TCF4: variants seen among roughly 807,000 people sequenced by gnomAD.
The protein encoded by TCF4 is transcription factor 4.
In TCF4, 3 loss-of-function variants were observed where a neutral mutation model predicts 82.1. The observed-to-expected ratio is 0.04, with a 90% CI of 0.02 to 0.09. The LOEUF is 0.09. TCF4 is among the 10% of genes least tolerant of loss of function. TCF4 has a pLI of 1.00. For synonymous variants in TCF4, 276 were observed against 309.6 expected (o/e 0.89, Z 1.14); for missense variants, 518 against 852.7 (o/e 0.61, Z 4.89).
chr18:55,599,986 A>G (rs1329624457), intron 2 of TCF4, among the ~76,000 whole-genome samples: 1 of 152,124 alleles, frequency 6.6e-6, no homozygotes, highest in African/African-American at 2.4e-5. Context: ...ATTCAACTCC[A>G]TGTGGCTTCT....
intron 3 of TCF4, among the ~76,000 whole-genome samples, chr18:55,529,018 A>T (rs1291909151): frequency 6.6e-6 from 1 of 152,066 alleles, no homozygotes; most frequent in Admixed American, 6.6e-5. Context: ...TCTCCACTAA[A>T]TATACAAAAA....
chr18:55,570,889 CAAA>C (rs201400921), intron 3 of TCF4, among the ~76,000 whole-genome samples: 28 of 67,766 alleles, frequency 4.1e-4, no homozygotes, highest in Admixed American at 8.7e-4. Context: ...GACCCTGCCT[CAAA>C]AAAAAAAAAA....
chr18:55,368,292 A>T (rs562191468), intron 6 of TCF4, among the ~76,000 whole-genome samples: 44 of 152,274 alleles, frequency 2.9e-4, no homozygotes, highest in Admixed American at 9.8e-4. Flanking sequence ...GAGACAGGAG[A>T]ATCACTTGAA....
intron 6 of TCF4, among the ~76,000 whole-genome samples, chr18:55,400,641 C>T (rs1569374869): frequency 6.6e-6 from 1 of 152,118 alleles, no homozygotes; most frequent in East Asian, 1.9e-4. Context: ...GTCATATGTC[C>T]ATCAGTATTA....
At chr18:55,316,445 A>C (rs2074159445) in intron 8 of TCF4, among the ~76,000 whole-genome samples, 1 of 152,114 alleles carries the variant, frequency 6.6e-6, no homozygotes, top group Non-Finnish European at 1.5e-5. Context: ...TTAGTGGCAG[A>C]GCAGTAATAG....
chr18:55,543,970 T>C (rs1401230042), intron 3 of TCF4, among the ~76,000 whole-genome samples: 1 of 152,110 alleles, frequency 6.6e-6, no homozygotes, highest in Admixed American at 6.6e-5. Context: ...TATAACCACA[T>C]TTTTTAAAAG....
chr18:55,256,687 A>G (rs1600380786), intron 14 of TCF4, among the ~76,000 whole-genome samples: 1 of 152,286 alleles, frequency 6.6e-6, no homozygotes, highest in Non-Finnish European at 1.5e-5. Flanking sequence ...CCTTCCCGCT[A>G]AATTCATGTA....
intron 3 of TCF4, among the ~76,000 whole-genome samples, chr18:55,518,054 T>C (rs2096899738): frequency 6.6e-6 from 1 of 152,296 alleles, no homozygotes; most frequent in South Asian, 2.1e-4. Flanking sequence ...AATGATTACA[T>C]GAATTAATGG....
intron 2 of TCF4, among the ~76,000 whole-genome samples, chr18:55,622,978 C>T (rs1328726083): frequency 6.6e-6 from 1 of 151,674 alleles, no homozygotes; most frequent in Non-Finnish European, 1.5e-5. Flanking sequence ...GTTATTACAA[C>T]AGAAAACCAT....
intron 6 of TCF4, among the ~76,000 whole-genome samples, chr18:55,362,103 C>G (rs1472399197): frequency 2.6e-5 from 4 of 152,082 alleles, no homozygotes; most frequent in African/African-American, 9.7e-5. Context: ...ACTGTCTTCT[C>G]CTGTCTTATC....
Position 55,595,298 on chromosome 18 carries a change from C to G in TCF4, c.287-8162G>C, listed in dbSNP as rs150384655. ...TCAAAATTCTGCCTTGGCAGGATTA[C>G]GATTCAATTCACTGTCTTTCCTCAA... On this transcript the variant is annotated intron_variant, in intron 2 of 20. Transcript: ENST00000398339. 3.0e-3 allele frequency among the ~76,000 whole-genome samples: 464 copies of G among 152,262 alleles called. 1 individual carries two copies. Among genetic ancestry groups the G allele is most frequent in the African/African-American group, 0.011 (456 of 41,578 alleles).
chr18:55,482,440 T>G (rs937454954), intron 3 of TCF4, among the ~76,000 whole-genome samples: 4 of 152,198 alleles, frequency 2.6e-5, no homozygotes, highest in Admixed American at 2.0e-4. Context: ...CCACCAGGGA[T>G]GTAGTGATCC....
At chr18:55,292,446 C>A (rs2065304435) in intron 8 of TCF4, among the ~76,000 whole-genome samples, 1 of 152,084 alleles carries the variant, frequency 6.6e-6, no homozygotes, top group Non-Finnish European at 1.5e-5. Flanking sequence ...AATGTCTTTA[C>A]AAGAAGAGCA....
intron 3 of TCF4, among the ~76,000 whole-genome samples, chr18:55,496,685 T>C (rs2096639563): frequency 6.6e-6 from 1 of 152,148 alleles, no homozygotes; most frequent in African/African-American, 2.4e-5. Context: ...TTTGTTAGCA[T>C]ATTACTGTAC....
intron 5 of TCF4, among the ~76,000 whole-genome samples, chr18:55,457,260 A>ATGACAACT (rs2144643899): frequency 6.6e-6 from 1 of 152,354 alleles, no homozygotes; most frequent in East Asian, 1.9e-4. Context: ...AAAACCCTGT[A>ATGACAACT]TGACAACTAT....
intron 5 of TCF4, among the ~76,000 whole-genome samples, chr18:55,442,350 C>A (rs2095452860): frequency 1.3e-5 from 2 of 152,046 alleles, no homozygotes; most frequent in South Asian, 4.1e-4. Flanking sequence ...CAAAGCAGTT[C>A]TACAGAAAAC....
Sources: allele counts gnomAD v4.1 joint callset (sites outside exome capture counted in the v4.1 genomes callset), GRCh38; gene constraint gnomAD v4.1.1; transcripts MANE v1.5; gene names NCBI Gene and HGNC (gene_info 2026-07-23, HGNC 2026-07-21).